The following FSCN1 variants were observed in gnomAD, a reference collection of about 807,000 sequenced individuals.
FSCN1 encodes the protein fascin actin-bundling protein 1.
In FSCN1, 10 loss-of-function variants were observed where a neutral mutation model predicts 39.7. That is an observed-to-expected ratio of 0.25 (90% confidence interval 0.16 to 0.43). The LOEUF is 0.43. Ranked by LOEUF, FSCN1 falls within the 20% of genes least tolerant of loss-of-function variation. The pLI, the probability that FSCN1 is intolerant of heterozygous loss-of-function variation, is 1.00. For synonymous variants in FSCN1, 322 were observed against 320.0 expected (o/e 1.01, Z -0.07); for missense variants, 525 against 723.8 (o/e 0.73, Z 3.15).
intron 4 of FSCN1, among the ~76,000 whole-genome samples, chr7:5,604,495 GACTC>G (rs1785896578): frequency 7.1e-6 from 1 of 140,620 alleles, no homozygotes. Context: ...GTTTTTTTGA[GACTC>G]ACTCCCTCAC....
rs763345590 is a variant in FSCN1 at position 5,603,936 on chromosome 7, C to T, written c.1185C>T (p.Ile395=). ...IIVFRGEHGF[I]GCRKVTGTLD... ...TGTTCCGCGGGGAGCATGGCTTCAT[C>T]GGCTGCCGCAAGGTCACGGGCACCC... The change falls in exon 4 of 5, where the codon ATC becomes ATT. Residue 395 remains isoleucine (I), a synonymous_variant. Transcript: ENST00000382361. The surrounding 1 kb of genome is among the most constrained non-coding windows in gnomAD (Gnocchi z 8.5). The T allele has an allele frequency of 2.4e-5, 38 of 1,613,876 alleles. No homozygotes were observed. Among genetic ancestry groups the T allele is most frequent in the Middle Eastern group, 1.6e-4 (1 of 6,082 alleles).
Position 5,592,869 on chromosome 7 carries a change from G to T in FSCN1, c.-68G>T. 1 of 955,974 alleles carries T rather than the reference G, an allele frequency of 1.0e-6. No homozygotes were observed. The highest frequency in any genetic ancestry group is 1.5e-6 in the Non-Finnish European group (1 of 654,548). The allele number at this position is 955,974 out of a possible 1,614,324, so 59.2% of individuals were successfully genotyped here. A position where few individuals can be genotyped will look rare whatever the true frequency, so the allele number is the denominator to read the frequency against. ...CCGCGGCAGCCGAACAAAGGAGCAGGGGCGCCGCCGCAGGGACCCGCCACC... is the reference window on the plus strand; with the variant it reads ...CCGCGGCAGCCGAACAAAGGAGCAGTGGCGCCGCCGCAGGGACCCGCCACC... On this transcript the variant is annotated 5_prime_UTR_variant, in exon 1 of 5. Coordinates refer to ENST00000382361, the MANE Select transcript of FSCN1 (RefSeq NM_003088.4). The surrounding 1 kb of genome is among the most constrained non-coding windows in gnomAD (Gnocchi z 5.3).
Position 5,603,441 on chromosome 7 carries a change from G to C in FSCN1, c.989+28G>C, listed in dbSNP as rs374138413. The C allele has an allele frequency of 6.2e-7, 1 of 1,613,652 alleles. No homozygotes were observed. The highest frequency in any genetic ancestry group is 8.5e-7 in the Non-Finnish European group (1 of 1,179,906). On this transcript the variant is annotated intron_variant, in intron 2 of 4. Coordinates refer to ENST00000382361, the MANE Select transcript of FSCN1 (RefSeq NM_003088.4). This position sits in a 1 kb window ranked among gnomAD's most constrained non-coding sequence, Gnocchi z 8.5. ...GAGTGCCTCGCTCCCACCTGTCACC[G>C]CCCCCACCACCTTGCCTGGGCTACC...
chr7:5,595,721 G>A (rs1235438822), intron 1 of FSCN1, among the ~76,000 whole-genome samples: 1 of 152,186 alleles, frequency 6.6e-6, no homozygotes, highest in East Asian at 1.9e-4. Flanking sequence ...AGCTTGTGAG[G>A]TCTGGGCCAC....
chr7:5,598,838 C>A (rs1006346614), intron 1 of FSCN1, among the ~76,000 whole-genome samples: 2 of 152,332 alleles, frequency 1.3e-5, no homozygotes, highest in Non-Finnish European at 1.5e-5. Flanking sequence ...GGAGCCCCAG[C>A]GCATTGGACA....
At position 5,593,764 on chromosome 7, in the gene FSCN1, C is replaced by G; in HGVS notation, c.828C>G (p.Arg276=). The change falls in exon 1 of 5, where the codon CGC becomes CGG. Residue 276 remains arginine, a synonymous_variant. Coordinates refer to ENST00000382361, the MANE Select transcript of FSCN1 (RefSeq NM_003088.4). ...CCAACGAGAGGAACGTGTCCACGCG[C>G]CAGGGTGAGTGGGGACGCTGCCCCC... ...QAANERNVST[R]QGMDLSANQD... is the part of the protein sequence containing the mutation. The G allele has an allele frequency of 6.4e-7, 1 of 1,569,510 alleles. No homozygotes were observed. The highest frequency in any genetic ancestry group is 8.6e-7 in the Non-Finnish European group (1 of 1,162,598).
rs1413617204 is a variant in FSCN1 at position 5,593,251 on chromosome 7, C to T, written c.315C>T (p.Ser105=). The T allele has an allele frequency of 6.2e-7, 1 of 1,608,782 alleles. No individual in the cohort carries two copies. The highest frequency in any genetic ancestry group is 1.3e-5 in the African/African-American group (1 of 74,834). The change falls in exon 1 of 5, where the codon TCC becomes TCT. Residue 105 remains serine, a synonymous_variant. Coordinates refer to ENST00000382361, the MANE Select transcript of FSCN1 (RefSeq NM_003088.4). ...AHDDGRWSLQ[S]EAHRRYFGGT... ...ACGACGGTCGCTGGTCGCTGCAGTCCGAGGCGCACCGGCGCTACTTCGGCG... is the reference window on the plus strand; with the variant it reads ...ACGACGGTCGCTGGTCGCTGCAGTCTGAGGCGCACCGGCGCTACTTCGGCG...
Position 5,593,559 on chromosome 7 carries a change from C to G in FSCN1, c.623C>G (p.Pro208Arg). 1.3e-6 allele frequency: 2 copies of G among 1,584,436 alleles called. No homozygotes were observed. The highest frequency in any genetic ancestry group is 8.5e-7 in the Non-Finnish European group (1 of 1,170,754). Residue 208 changes from proline to arginine, a missense_variant, in exon 1 of 5, where the codon CCG becomes CGG. Around this residue, in one of 3 missense-constraint regions of FSCN1, gnomAD observed 246 missense variants for 350.6 expected, o/e 0.70. Coordinates refer to ENST00000382361, the MANE Select transcript of FSCN1 (RefSeq NM_003088.4). ...GGGCGCCTGGTGGCGCGCCCCGAGCCGGCCACTGGCTACACGCTGGAGTTC... is the reference window on the plus strand; with the variant it reads ...GGGCGCCTGGTGGCGCGCCCCGAGCGGGCCACTGGCTACACGCTGGAGTTC... ...HDGRLVARPE[P>R]ATGYTLEFRS...
In FSCN1 at chr7:5,605,490, C is replaced by T. The variant is rs751908793; in HGVS notation, c.*16C>T. Reference sequence around the variant, plus strand: ...GGAGTACTAGGGCCGGCCCGTCCTTCCCCGCCCCTGCCCACATGGCGGCTC... The same window carrying T: ...GGAGTACTAGGGCCGGCCCGTCCTTTCCCGCCCCTGCCCACATGGCGGCTC... On this transcript the variant is annotated 3_prime_UTR_variant, in exon 5 of 5. Coordinates refer to ENST00000382361, the MANE Select transcript of FSCN1 (RefSeq NM_003088.4). The surrounding 1 kb of genome is among the most constrained non-coding windows in gnomAD (Gnocchi z 6.9). 106 of 1,522,098 alleles carry T rather than the reference C, an allele frequency of 7.0e-5. No individual in the cohort carries two copies. The highest frequency in any genetic ancestry group is 1.7e-4 in the Middle Eastern group (1 of 5,858). 94.3% of individuals were successfully genotyped at this position (1,522,098 alleles called of 1,614,324 possible). A position where few individuals can be genotyped will look rare whatever the true frequency, so the allele number is the denominator to read the frequency against.
chr7:5,603,768 T>G lies in FSCN1; in HGVS notation c.1112-95T>G. ...CACTGTCCTACCCTGGGGACTGCTG[T>G]GTGACCCCAGCTCCTGGCCCTCCCT... On this transcript the variant is annotated intron_variant, in intron 3 of 4. Transcript: ENST00000382361. The surrounding 1 kb of genome is among the most constrained non-coding windows in gnomAD (Gnocchi z 8.5). 6.7e-7 allele frequency: 1 copy of G among 1,487,782 alleles called. No individual in the cohort carries two copies. Among genetic ancestry groups the G allele is most frequent in the Non-Finnish European group, 9.2e-7 (1 of 1,082,588 alleles). The allele number at this position is 1,487,782 out of a possible 1,614,324, so 92.2% of individuals were successfully genotyped here.
chr7:5,597,205 A>G (rs1785744907), intron 1 of FSCN1, among the ~76,000 whole-genome samples: 1 of 152,182 alleles, frequency 6.6e-6, no homozygotes, highest in African/African-American at 2.4e-5. Context: ...CTCTGTCTAC[A>G]AAAAATACAA....
At chr7:5,602,400 A>G (rs1479242746) in intron 1 of FSCN1, among the ~76,000 whole-genome samples, 1 of 152,038 alleles carries the variant, frequency 6.6e-6, no homozygotes, top group Non-Finnish European at 1.5e-5. Context: ...TAATTTTTAC[A>G]TAGAAGCAGG....
rs898876374 is a variant in FSCN1, at chr7:5,605,194, C to T, written c.1280-78C>T. 3.6e-6 allele frequency: 4 copies of T among 1,105,852 alleles called. No individual in the cohort carries two copies. The highest frequency in any genetic ancestry group is 3.6e-5 in the Admixed American group (2 of 55,562). The allele number at this position is 1,105,852 out of a possible 1,614,324, so 68.5% of individuals were successfully genotyped here. On this transcript the variant is annotated intron_variant, in intron 4 of 4. Coordinates refer to ENST00000382361, the MANE Select transcript of FSCN1 (RefSeq NM_003088.4). This position sits in a 1 kb window ranked among gnomAD's most constrained non-coding sequence, Gnocchi z 6.9. ...GGTGGGGCGTCACCCTTGGGAACAC[C>T]CGTGCCCACCCTCCGCTGCCCAGGG...
Position 5,603,027 on chromosome 7 carries a change from T to C in FSCN1, c.833-230T>C, listed in dbSNP as rs1176073478. ...CCCTGGCCCCTATTATTTCTCTAAC[T>C]GGGGAAAGTCATGTGGGAACAGATG... On this transcript the variant is annotated intron_variant, in intron 1 of 4. Transcript: ENST00000382361. The surrounding 1 kb of genome is among the most constrained non-coding windows in gnomAD (Gnocchi z 8.5). 5 of 575,622 alleles carry C rather than the reference T, an allele frequency of 8.7e-6. No homozygotes were observed. Among genetic ancestry groups the C allele is most frequent in the Admixed American group, 6.2e-5 (2 of 32,306 alleles). 35.7% of individuals were successfully genotyped at this position (575,622 alleles called of 1,614,324 possible).
rs778423670 is a variant in FSCN1, at chr7:5,599,948, C to T, written c.833-3309C>T. ...GTGCCCAAACGAAGACACTCTCCAG[C>T]TCTGAGCCAGGCACCCATACAGAGC... On this transcript the variant is annotated intron_variant, in intron 1 of 4. Coordinates refer to ENST00000382361, the MANE Select transcript of FSCN1 (RefSeq NM_003088.4). The surrounding 1 kb of genome is among the most constrained non-coding windows in gnomAD (Gnocchi z 5.6). Among the ~76,000 whole-genome samples, 1 of 152,204 alleles carries T rather than the reference C, an allele frequency of 6.6e-6. No individual in the cohort carries two copies. Among genetic ancestry groups the T allele is most frequent in the African/African-American group, 2.4e-5 (1 of 41,454 alleles).
chr7:5,594,045 A>ACCCCCCCCCCCCCCCCCCCCC (rs758470979), intron 1 of FSCN1: 4 of 262,496 alleles, frequency 1.5e-5, no homozygotes, highest in African/African-American at 3.2e-5. Flanking sequence ...CACCCTCCTA[A>ACCCCCCCCCCCCCCCCCCCCC]CCCCCCCCCC....
intron 1 of FSCN1, among the ~76,000 whole-genome samples, chr7:5,602,331 C>T (rs1213603138): frequency 6.6e-6 from 1 of 151,958 alleles, no homozygotes; most frequent in Non-Finnish European, 1.5e-5. Context: ...TGAGCCACCG[C>T]ACCCGGCCCT....
In FSCN1 at chr7:5,595,528, G is replaced by A. The variant is rs1785714135; in HGVS notation, c.832+1760G>A. Among the ~76,000 whole-genome samples, 4 of 152,216 alleles carry A rather than the reference G, an allele frequency of 2.6e-5. No individual in the cohort carries two copies. The South Asian group carries it at 6.2e-4, about 24-fold the overall frequency. ...CGAAGTGTCAAGGAAAAGGCAGCGG[G>A]TACAGGTTATTAGATGGCTGAGTCC... is the stretch of plus-strand genomic sequence containing the variant. On this transcript the variant is annotated intron_variant, in intron 1 of 4. Transcript: ENST00000382361.
intron 1 of FSCN1, among the ~76,000 whole-genome samples, chr7:5,597,443 A>G (rs2128549086): frequency 6.6e-6 from 1 of 152,232 alleles, no homozygotes; most frequent in East Asian, 1.9e-4. Context: ...AGGTGGGTGG[A>G]TCACCTGGAG....
Sources: gnomAD v4.1 joint callset for allele counts (sites outside exome capture counted in the v4.1 genomes callset) on GRCh38, gnomAD v4.1.1 for gene constraint, gnomAD v4.1.1 regional missense constraint, Gnocchi (gnomAD v3.1) non-coding constraint, MANE v1.5 for transcripts, NCBI Gene and HGNC (gene_info 2026-07-23, HGNC 2026-07-21) for gene names.